C7orf78: variants seen among roughly 807,000 people sequenced by gnomAD.
C7orf78 encodes the protein putative uncharacterized protein C7orf78.
the C7orf78 span, among the ~76,000 whole-genome samples, chr7:12,503,036 G>A: frequency 2.9e-5 from 4 of 137,290 alleles, 1 homozygote; most frequent in African/African-American, 1.2e-4. Context: ...TGAACAATGA[G>A]ATCACATGGA....
the C7orf78 span, among the ~76,000 whole-genome samples, chr7:12,514,581 G>C: frequency 6.6e-6 from 1 of 151,754 alleles, no homozygotes; most frequent in Non-Finnish European, 1.5e-5. Flanking sequence ...CTGTCATATT[G>C]TTCATTGTTT....
the C7orf78 span, among the ~76,000 whole-genome samples, chr7:12,497,058 G>T: frequency 6.6e-6 from 1 of 152,202 alleles, no homozygotes; most frequent in African/African-American, 2.4e-5. Flanking sequence ...TCCAGCCATT[G>T]TGGATCTTTG....
the C7orf78 span, among the ~76,000 whole-genome samples, chr7:12,509,014 G>C: frequency 6.6e-6 from 1 of 152,174 alleles, no homozygotes; most frequent in Non-Finnish European, 1.5e-5. Context: ...AAAGTGCACA[G>C]TAAGTGTAAT....
the C7orf78 span, chr7:12,496,420 G>C: frequency 6.6e-6 from 1 of 152,162 alleles, no homozygotes; most frequent in South Asian, 2.1e-4. Flanking sequence ...CCAGAATGTT[G>C]CTTATGCTGT....
At chr7:12,512,555 A>G in the C7orf78 span, among the ~76,000 whole-genome samples, 1 of 152,140 alleles carries the variant, frequency 6.6e-6, no homozygotes, top group African/African-American at 2.4e-5. Context: ...ATCATGGTGT[A>G]TATCTTTTTG....
At chr7:12,509,245 A>G in the C7orf78 span, among the ~76,000 whole-genome samples, 3 of 146,972 alleles carry the variant, frequency 2.0e-5, no homozygotes, top group Non-Finnish European at 4.6e-5. Flanking sequence ...ACTTAAGACT[A>G]ATGTTTAGGT....
the C7orf78 span, among the ~76,000 whole-genome samples, chr7:12,511,153 A>G: frequency 4.2e-4 from 64 of 151,698 alleles, no homozygotes; most frequent in East Asian, 2.3e-3. Flanking sequence ...TTGTTCCCCA[A>G]TGTAGGTTCT....
the C7orf78 span, among the ~76,000 whole-genome samples, chr7:12,507,863 A>G: frequency 1.3e-5 from 2 of 152,162 alleles, no homozygotes; most frequent in Non-Finnish European, 2.9e-5. Context: ...CCCAAATACC[A>G]TGGGTTTTGT....
the C7orf78 span, among the ~76,000 whole-genome samples, chr7:12,518,607 T>C: frequency 6.6e-6 from 1 of 152,118 alleles, no homozygotes; most frequent in Non-Finnish European, 1.5e-5. Context: ...TTCAGGTTCC[T>C]AGGGGGATAA....
chr7:12,495,194 A>AT, the C7orf78 span, among the ~76,000 whole-genome samples: 1 of 151,992 alleles, frequency 6.6e-6, no homozygotes, highest in Non-Finnish European at 1.5e-5. Flanking sequence ...AAACACACTC[A>AT]TTTTTTTTCC....
At chr7:12,536,616 G>C in the C7orf78 span, among the ~76,000 whole-genome samples, 2 of 152,072 alleles carry the variant, frequency 1.3e-5, no homozygotes, top group African/African-American at 4.8e-5. Flanking sequence ...CTCAGAAAAC[G>C]CTTTTTTTCT....
chr7:12,518,629 T>C, the C7orf78 span, among the ~76,000 whole-genome samples: 1 of 152,092 alleles, frequency 6.6e-6, no homozygotes, highest in Non-Finnish European at 1.5e-5. Context: ...ATAGATGGTA[T>C]AGGTGGTGGA....
the C7orf78 span, chr7:12,530,590 T>G: frequency 6.6e-6 from 1 of 152,598 alleles, no homozygotes; most frequent in Admixed American, 6.5e-5. Flanking sequence ...GGCCTGAACT[T>G]TTTTTTCAGG....
At chr7:12,539,599 G>A in the C7orf78 span, among the ~76,000 whole-genome samples, 4 of 152,172 alleles carry the variant, frequency 2.6e-5, no homozygotes, top group Non-Finnish European at 5.9e-5. Flanking sequence ...ACTTCTAGCA[G>A]TTTCTTGATG....
the C7orf78 span, chr7:12,538,231 A>G: frequency 1.6e-4 from 25 of 152,310 alleles, 1 homozygote; most frequent in East Asian, 4.8e-3. Flanking sequence ...AGAAAGCCTC[A>G]TTCATTCTAA....
chr7:12,487,961 A>G, the C7orf78 span, among the ~76,000 whole-genome samples: 4 of 152,168 alleles, frequency 2.6e-5, no homozygotes, highest in East Asian at 7.7e-4. Context: ...CAACTAATTT[A>G]TAAACATTAT....
At chr7:12,532,774 T>C in the C7orf78 span, among the ~76,000 whole-genome samples, 3 of 152,176 alleles carry the variant, frequency 2.0e-5, no homozygotes, top group African/African-American at 7.2e-5. Flanking sequence ...ATATAATGTC[T>C]AGAGCTTTCT....
the C7orf78 span, chr7:12,529,028 G>A: frequency 1.0e-5 from 4 of 398,508 alleles, no homozygotes; most frequent in Non-Finnish European, 1.8e-5. Flanking sequence ...TGGCCTGTTA[G>A]ATCTGCTTCA....
chr7:12,519,086 G>A, the C7orf78 span, among the ~76,000 whole-genome samples: 20,238 of 152,024 alleles, frequency 0.13, 1,894 homozygotes, highest in African/African-American at 0.27. Flanking sequence ...TGCAGAAGAT[G>A]GAGATGAGGA....
Sources: allele counts gnomAD v4.1 joint callset (sites outside exome capture counted in the v4.1 genomes callset), GRCh38; gene constraint gnomAD v4.1.1; transcripts MANE v1.5; gene names NCBI Gene and HGNC (gene_info 2026-07-23, HGNC 2026-07-21).